Variants in NEO1 observed in about 807,000 individuals in gnomAD.
The protein encoded by NEO1 is neogenin 1.
Under a neutral mutation model 159.7 loss-of-function variants are expected in NEO1, and 63 were observed. That is an observed-to-expected ratio of 0.39 (90% CI 0.32 to 0.49). The LOEUF is 0.49. Among genes scored for constraint, NEO1 ranks in the 20% least tolerant of loss-of-function variants. The probability of loss-of-function intolerance (pLI) is 0.85; values close to 1 mark genes in which losing one functional copy is unlikely to be tolerated. For missense variants in NEO1, 1,615 were observed against 1,831.0 expected, an observed-to-expected ratio of 0.88 and a Z score of 2.15; for synonymous variants, 633 against 662.0, an observed-to-expected ratio of 0.96 and a Z score of 0.67.
chr15:73,169,520 T>A (rs992166447), intron 5 of NEO1, among the ~76,000 whole-genome samples: 3 of 152,106 alleles, frequency 2.0e-5, no homozygotes, highest in Admixed American at 2.0e-4. Context: ...TTAAGGGCAT[T>A]ATTTTATAAT....
intron 11 of NEO1, 51 bp downstream of exon 11, chr15:73,249,772 G>A (rs1372567339): frequency 5.2e-6 from 8 of 1,549,712 alleles, no homozygotes; most frequent in Non-Finnish European, 6.9e-6. Context: ...GCCCCTAGTG[G>A]TTTAGTTGTA....
rs140851512 is a variant in NEO1, at chr15:73,127,356, C to A, written c.878+786C>A. On this transcript the variant is annotated intron_variant, in intron 4 of 28. Transcript: ENST00000261908. ...CTTTACTGTCCTTCCTATCTCCTCT[C>A]ATTACTTCCTTATGCAGTGGGTGCT... Among the ~76,000 whole-genome samples, 515 of 152,310 alleles carry A rather than the reference C, an allele frequency of 3.4e-3. 3 individuals are homozygous for A. The highest frequency in any genetic ancestry group is 0.012 in the African/African-American group (489 of 41,568).
At chr15:73,135,012 TATGTCATCTCTGAAAGTGACTTTTA>T (rs2031586287) in intron 4 of NEO1, among the ~76,000 whole-genome samples, 1 of 152,232 alleles carries the variant, frequency 6.6e-6, no homozygotes, top group Admixed American at 6.5e-5. Flanking sequence ...ATTTTGAATT[TATGTCATCTCTGAAAGTGACTTTTA>T]AAGTGGCAGC....
intron 1 of NEO1, among the ~76,000 whole-genome samples, chr15:73,060,098 A>G (rs989890315): frequency 3.3e-5 from 5 of 152,220 alleles, no homozygotes; most frequent in African/African-American, 1.2e-4. Flanking sequence ...TAATAGCATT[A>G]TAATTTACAA....
chr15:73,290,952 C>A (rs1460199138), intron 25 of NEO1, among the ~76,000 whole-genome samples: 1 of 152,158 alleles, frequency 6.6e-6, no homozygotes, highest in Non-Finnish European at 1.5e-5. Context: ...TGTACACAAA[C>A]ATGTAAGATA....
intron 7 of NEO1, among the ~76,000 whole-genome samples, chr15:73,195,606 A>C (rs1480597662): frequency 1.3e-5 from 2 of 152,182 alleles, no homozygotes. Flanking sequence ...TTAATATTTT[A>C]GCTGTATGAG....
Position 73,238,070 on chromosome 15 carries a change from T to G in NEO1, c.1451+1564T>G, listed in dbSNP as rs149218484. Among the ~76,000 whole-genome samples the G allele has an allele frequency of 7.2e-4, 109 of 152,210 alleles. 1 individual carries two copies. The highest frequency in any genetic ancestry group is 2.5e-3 in the African/African-American group (105 of 41,528). ...CAGAGCCAGCCTGTTCCCAAGCTAATTGTTAAATGCTCGGGAAATTTTGCA... is the reference window on the plus strand; with the variant it reads ...CAGAGCCAGCCTGTTCCCAAGCTAAGTGTTAAATGCTCGGGAAATTTTGCA... On this transcript the variant is annotated intron_variant, in intron 8 of 28. Coordinates refer to ENST00000261908, the MANE Select transcript of NEO1 (RefSeq NM_002499.4).
intron 3 of NEO1, among the ~76,000 whole-genome samples, chr15:73,125,927 C>A (rs1025264469): frequency 6.6e-6 from 1 of 152,174 alleles, no homozygotes; most frequent in African/African-American, 2.4e-5. Context: ...GGGTCCTGAG[C>A]TTGCTCAGTC....
intron 7 of NEO1, among the ~76,000 whole-genome samples, chr15:73,213,512 A>G (rs1436655620): frequency 6.6e-6 from 1 of 152,140 alleles, no homozygotes; most frequent in Non-Finnish European, 1.5e-5. Context: ...CGGTGAGAAC[A>G]TTTGATGTTT....
intron 21 of NEO1, 100 bp from the exon 22 acceptor site, chr15:73,278,031 C>T (rs1164626461): frequency 1.3e-5 from 13 of 991,932 alleles, no homozygotes; most frequent in East Asian, 9.7e-5. Context: ...ACAGAATAGA[C>T]TAAAAATTGT....
chr15:73,293,435 A>G lies in NEO1; in HGVS notation c.3788A>G (p.His1263Arg). The G allele has an allele frequency of 1.2e-6, 2 of 1,614,188 alleles. No homozygotes were observed. Among genetic ancestry groups the G allele is most frequent in the South Asian group, 1.1e-5 (1 of 91,088 alleles). ...ATCCATTCCCTCGATAACCCTCACC[A>G]TCATTTCCACTCCAGCAGCCTCGCT... Reference protein sequence around the residue: ...HPIHSLDNPHHHFHSSSLASP... With the variant: ...HPIHSLDNPHRHFHSSSLASP... The change falls in exon 26 of 29, where the codon CAT (histidine) becomes CGT (arginine). Residue 1263 changes from histidine (H) to arginine (R), a missense_variant. Transcript: ENST00000261908.
At chr15:73,135,866 T>G in intron 4 of NEO1, 25 bp from the exon 5 acceptor site, 1 of 667,260 alleles carries the variant, frequency 1.5e-6, no homozygotes, top group Non-Finnish European at 2.0e-6. Flanking sequence ...AATGTATCTT[T>G]TTTTTTTTTT....
chr15:73,115,243 A>C (rs1029356327), intron 1 of NEO1, among the ~76,000 whole-genome samples: 1 of 152,140 alleles, frequency 6.6e-6, no homozygotes. Context: ...GGGTTTCACC[A>C]TGTTGGCCAG....
At chr15:73,290,109 C>T (rs1031703236) in intron 25 of NEO1, among the ~76,000 whole-genome samples, 2 of 151,372 alleles carry the variant, frequency 1.3e-5, no homozygotes, top group Non-Finnish European at 2.9e-5. Context: ...TGCACTCCAG[C>T]TTGGGCAACA....
intron 14 of NEO1, 74 bp from the exon 15 acceptor site, chr15:73,260,197 A>G: frequency 7.1e-7 from 1 of 1,416,516 alleles, no homozygotes; most frequent in Non-Finnish European, 9.7e-7. Flanking sequence ...GAAGCTAAAC[A>G]CCATTCCCCA....
chr15:73,229,354 A>G (rs1010699596), intron 7 of NEO1, among the ~76,000 whole-genome samples: 6 of 151,128 alleles, frequency 4.0e-5, no homozygotes, highest in Non-Finnish European at 1.5e-5. Flanking sequence ...AATGGAATTG[A>G]TTTCTTAATT....
intron 7 of NEO1, among the ~76,000 whole-genome samples, chr15:73,197,045 C>T (rs998257663): frequency 6.6e-6 from 1 of 152,110 alleles, no homozygotes; most frequent in Non-Finnish European, 1.5e-5. Context: ...TCTACCTTAT[C>T]TGTCAGTTTC....
At chr15:73,276,043 C>T (rs2041406257) in intron 21 of NEO1, among the ~76,000 whole-genome samples, 1 of 152,158 alleles carries the variant, frequency 6.6e-6, no homozygotes, top group Non-Finnish European at 1.5e-5. Context: ...TGCAAACATA[C>T]TTTCTGTTGT....
chr15:73,119,432 G>A (rs1477604480), intron 2 of NEO1, among the ~76,000 whole-genome samples: 1 of 152,216 alleles, frequency 6.6e-6, no homozygotes, highest in East Asian at 1.9e-4. Flanking sequence ...TTAAGTATGA[G>A]AGGTCTTTTT....
Sources: allele counts gnomAD v4.1 joint callset (sites outside exome capture counted in the v4.1 genomes callset), GRCh38; gene constraint gnomAD v4.1.1; transcripts MANE v1.5; gene names NCBI Gene and HGNC (gene_info 2026-07-23, HGNC 2026-07-21).